POP1: variants seen among roughly 807,000 people sequenced by gnomAD.
The protein encoded by POP1 is POP1 ribonuclease P/MRP subunit, also known as ribonucleases P/MRP protein subunit POP1.
In POP1, 75 loss-of-function variants were observed where a neutral mutation model predicts 102.2. The observed-to-expected ratio is 0.73, with a 90% CI of 0.61 to 0.89. The LOEUF is 0.89. Among genes scored for constraint, POP1 ranks in the 40% least tolerant of loss-of-function variants. The probability of loss-of-function intolerance (pLI) is 0.00; values close to 1 mark genes in which losing one functional copy is unlikely to be tolerated. For missense variants in POP1, 1,116 were observed against 1,267.4 expected (o/e 0.88, Z 1.81); for synonymous variants, 436 against 464.1 (o/e 0.94, Z 0.78).
In POP1 at chr8:98,136,519, T is replaced by C; in HGVS notation, c.1049T>C (p.Val350Ala). ...GAAATAAAAGCAGCGTGCCAGTGTG[T>C]GGAACCCATCAAATCAGCTGTCTGC... ...LEEIKAACQC[V>A]EPIKSAVCIA... is the part of the protein sequence containing the mutation. The change falls in exon 8 of 16, where the codon GTG becomes GCG. Residue 350 changes from valine (V) to alanine (A), a missense_variant. Transcript: ENST00000401707. The C allele has an allele frequency of 1.9e-6, 3 of 1,614,080 alleles. No homozygotes were observed. Among genetic ancestry groups the C allele is most frequent in the Non-Finnish European group, 1.7e-6 (2 of 1,179,952 alleles).
intron 15 of POP1, among the ~76,000 whole-genome samples, chr8:98,156,815 A>G (rs1046630839): frequency 1.3e-5 from 2 of 152,194 alleles, no homozygotes; most frequent in Non-Finnish European, 2.9e-5. Context: ...CAGAGAGGCT[A>G]CCGGATACAC....
intron 1 of POP1, among the ~76,000 whole-genome samples, chr8:98,119,339 T>G (rs1815945828): frequency 6.6e-6 from 1 of 152,192 alleles, no homozygotes; most frequent in Admixed American, 6.5e-5. Context: ...CACCAACTTT[T>G]TAGATCTGGA....
rs72680615 is a variant in POP1 at position 98,149,099 on chromosome 8, C to T, written c.1902+93C>T. ...AAAATGTTCCAGACTTTATGTACAA[C>T]TTAGGAGGAATTGAGTGGTGTATTT... is the stretch of plus-strand genomic sequence containing the variant. On this transcript the variant is annotated intron_variant, in intron 13 of 15. Transcript: ENST00000401707. The T allele has an allele frequency of 0.13, 156,745 of 1,233,060 alleles. 10,918 individuals are homozygous for T. The highest frequency in any genetic ancestry group is 0.19 in the Middle Eastern group (835 of 4,380). The allele number at this position is 1,233,060 out of a possible 1,614,324, so 76.4% of individuals were successfully genotyped here.
chr8:98,158,562 G>A lies in POP1; in HGVS notation c.*291G>A, dbSNP rs1044193879. The A allele has an allele frequency of 1.5e-5, 5 of 339,630 alleles. No individual in the cohort carries two copies. The highest frequency in any genetic ancestry group is 1.4e-4 in the South Asian group (4 of 29,070). 21.0% of individuals were successfully genotyped at this position (339,630 alleles called of 1,614,324 possible). On this transcript the variant is annotated 3_prime_UTR_variant, in exon 16 of 16. Coordinates refer to ENST00000401707, the MANE Select transcript of POP1 (RefSeq NM_001145860.2). ...GGCTGAAAATAATGAGAAGCTCTAC[G>A]AGTTATCATCCCCTTTTTTTGTTAG...
chr8:98,139,072 A>T (rs570833391), intron 9 of POP1, among the ~76,000 whole-genome samples: 21 of 152,142 alleles, frequency 1.4e-4, no homozygotes, highest in African/African-American at 4.8e-4. Flanking sequence ...GCTGGTCTCG[A>T]ACTCCTGGCC....
intron 14 of POP1, 115 bp from the exon 15 acceptor site, chr8:98,155,909 TTGTGTGTGTGTGTGTGTGTGTGTGTG>T (rs58936294): frequency 1.3e-4 from 66 of 519,498 alleles, no homozygotes; most frequent in Non-Finnish European, 2.0e-4. Context: ...TGGAAAGCTT[TTGTGTGTGTGTGTGTGTGTGTGTGTG>T]TGTGTGTGTG....
intron 15 of POP1, among the ~76,000 whole-genome samples, chr8:98,157,169 G>A (rs554979520): frequency 2.6e-5 from 4 of 152,240 alleles, no homozygotes; most frequent in East Asian, 1.9e-4. Context: ...GAGCCACTGC[G>A]CCCGGCCTGT....
In POP1 at chr8:98,146,465, T is replaced by C. The variant is rs1277203240; in HGVS notation, c.1595-103T>C. On this transcript the variant is annotated intron_variant, in intron 11 of 15. Coordinates refer to ENST00000401707, the MANE Select transcript of POP1 (RefSeq NM_001145860.2). Reference sequence around the variant, plus strand: ...AATTCTTCTAAGTTAAGTAAATGCCTATGAAATATTGTTTTGTAACAAAAG... The same window carrying C: ...AATTCTTCTAAGTTAAGTAAATGCCCATGAAATATTGTTTTGTAACAAAAG... The C allele has an allele frequency of 4.8e-6, 4 of 831,708 alleles. No individual in the cohort carries two copies. The African/African-American group carries it at 6.7e-5, about 14-fold the overall frequency. The allele number at this position is 831,708 out of a possible 1,614,324, so 51.5% of individuals were successfully genotyped here.
intron 13 of POP1, among the ~76,000 whole-genome samples, chr8:98,150,259 C>T (rs1449891298): frequency 1.3e-5 from 2 of 152,202 alleles, no homozygotes; most frequent in African/African-American, 4.8e-5. Context: ...GATTTTGCAA[C>T]TTGCTGTATT....
At position 98,158,416 on chromosome 8, in the gene POP1, T is replaced by G; in HGVS notation, c.*145T>G. The G allele has an allele frequency of 1.2e-6, 1 of 855,530 alleles. No individual in the cohort carries two copies. Among genetic ancestry groups the G allele is most frequent in the Non-Finnish European group, 1.9e-6 (1 of 532,784 alleles). The allele number at this position is 855,530 out of a possible 1,614,324, so 53.0% of individuals were successfully genotyped here. ...AAAAAATTATGTATTATGCAGATGATGAAATGTTTACATCATTCCAGTAAT... is the reference window on the plus strand; with the variant it reads ...AAAAAATTATGTATTATGCAGATGAGGAAATGTTTACATCATTCCAGTAAT... On this transcript the variant is annotated 3_prime_UTR_variant, in exon 16 of 16. Coordinates refer to ENST00000401707, the MANE Select transcript of POP1 (RefSeq NM_001145860.2).
intron 15 of POP1, among the ~76,000 whole-genome samples, 157 bp from the exon 16 acceptor site, chr8:98,157,460 A>G (rs1258200944): frequency 6.6e-6 from 1 of 152,272 alleles, no homozygotes; most frequent in African/African-American, 2.4e-5. Context: ...AAGTACTAAA[A>G]TGTACTACAG....
At chr8:98,131,683 T>A (rs1441106434) in intron 5 of POP1, among the ~76,000 whole-genome samples, 2 of 152,228 alleles carry the variant, frequency 1.3e-5, no homozygotes, top group East Asian at 1.9e-4. Flanking sequence ...TTTGAGGTAC[T>A]GCCTTACCAT....
chr8:98,149,069 T>C (rs1478404507), intron 13 of POP1, 63 bp downstream of exon 13: 6 of 1,447,056 alleles, frequency 4.1e-6, no homozygotes, highest in Non-Finnish European at 1.9e-6. Flanking sequence ...AAATGCTAAG[T>C]ACTCAAAATG....
intron 11 of POP1, among the ~76,000 whole-genome samples, chr8:98,144,621 T>A (rs546392532): frequency 1.2e-4 from 18 of 152,340 alleles, no homozygotes; most frequent in Admixed American, 2.0e-4. Flanking sequence ...GGTAGTACTT[T>A]CCTGTATCTT....
rs748674035 is a variant in POP1 at position 98,142,076 on chromosome 8, C to T, written c.1594+1188C>T. Among the ~76,000 whole-genome samples, 8 of 152,006 alleles carry T rather than the reference C, an allele frequency of 5.3e-5. No individual in the cohort carries two copies. In the East Asian group the frequency reaches 9.6e-4, roughly 18 times the overall value. On this transcript the variant is annotated intron_variant, in intron 11 of 15. Coordinates refer to ENST00000401707, the MANE Select transcript of POP1 (RefSeq NM_001145860.2). ...TTACTACGAATGTGGTCTGGTGCAA[C>T]GTAAAAGTTGCAGCATTTACTACAC...
chr8:98,156,296 G>A lies in POP1; in HGVS notation c.2304G>A (p.Glu768=). 6.2e-7 allele frequency: 1 copy of A among 1,614,184 alleles called. No individual in the cohort carries two copies. Among genetic ancestry groups the A allele is most frequent in the Non-Finnish European group, 8.5e-7 (1 of 1,180,032 alleles). ...EVGTSIEHPR[E]AEEVMDAGCQ... is the part of the protein sequence containing the mutation. Reference sequence around the variant, plus strand: ...GCACATCCATAGAGCACCCCAGGGAGGCAGAGGAGGTAATGGATGCAGGGT... The same window carrying A: ...GCACATCCATAGAGCACCCCAGGGAAGCAGAGGAGGTAATGGATGCAGGGT... The change falls in exon 15 of 16, where the codon GAG becomes GAA. Residue 768 remains glutamate, a synonymous_variant. Transcript: ENST00000401707.
intron 12 of POP1, among the ~76,000 whole-genome samples, chr8:98,147,021 T>C (rs112747089): frequency 1.3e-5 from 2 of 152,272 alleles, no homozygotes; most frequent in Non-Finnish European, 2.9e-5. Context: ...AAAGACTTTT[T>C]CTTGAAATGA....
At chr8:98,140,745 A>G in intron 10 of POP1, 24 bp from the exon 11 acceptor site, 2 of 1,612,436 alleles carry the variant, frequency 1.2e-6, no homozygotes, top group Non-Finnish European at 1.7e-6. Context: ...ACTTTCTGTA[A>G]ACTTCTTTTT....
At position 98,136,489 on chromosome 8, in the gene POP1, T is replaced by C. The variant is rs370261368; in HGVS notation, c.1019T>C (p.Leu340Ser). ...GTTTAAATATATTTTTAGGATATCT[T>C]AGAGGAAATAAAAGCAGCGTGCCAG... ...WLHPTLKQDI[L>S]EEIKAACQCV... Residue 340 changes from leucine to serine, a missense_variant, in exon 8 of 16, where the codon TTA becomes TCA. Physicochemically the swap from Leu to Ser is moderately radical, Grantham distance 145. Transcript: ENST00000401707. 27 of 1,610,630 alleles carry C rather than the reference T, an allele frequency of 1.7e-5. No homozygotes were observed. The highest frequency in any genetic ancestry group is 2.2e-5 in the Non-Finnish European group (26 of 1,178,822).
Sources: allele counts gnomAD v4.1 joint callset (sites outside exome capture counted in the v4.1 genomes callset), GRCh38; gene constraint gnomAD v4.1.1; transcripts MANE v1.5; gene names NCBI Gene and HGNC (gene_info 2026-07-23, HGNC 2026-07-21).